The following ZRANB3 variants were observed in gnomAD, a reference collection of about 807,000 sequenced individuals.
The protein encoded by ZRANB3 is DNA annealing helicase and endonuclease ZRANB3.
Under a neutral mutation model 133.8 loss-of-function variants are expected in ZRANB3, and 125 were observed. That is an observed-to-expected ratio of 0.93 (90% CI 0.81 to 1.08). The LOEUF is 1.08. ZRANB3 is among the 50% of genes least tolerant of loss of function. The pLI is 0.00. For synonymous variants in ZRANB3, 387 were observed against 432.7 expected (o/e 0.89, Z 1.31); for missense variants, 1,229 against 1,275.5 (o/e 0.96, Z 0.56).
intron 6 of ZRANB3, among the ~76,000 whole-genome samples, chr2:135,331,680 G>A (rs1276772182): frequency 6.6e-6 from 1 of 152,140 alleles, no homozygotes; most frequent in African/African-American, 2.4e-5. Flanking sequence ...TTGTTTGGGA[G>A]TCTAGGTCTC....
At chr2:135,283,479 G>A (rs1306220734) in intron 8 of ZRANB3, among the ~76,000 whole-genome samples, 6 of 151,548 alleles carry the variant, frequency 4.0e-5, no homozygotes, top group African/African-American at 1.5e-4. Flanking sequence ...GCGTGGTGAT[G>A]CACACCTGTA....
chr2:135,410,229 C>G (rs765538605), intron 2 of ZRANB3, among the ~76,000 whole-genome samples: 1 of 152,072 alleles, frequency 6.6e-6, no homozygotes, highest in Non-Finnish European at 1.5e-5. Context: ...TACCCAACTT[C>G]AAACTATACA....
rs1301965355 is a variant in ZRANB3 at position 135,297,810 on chromosome 2, G to T, written c.966+15679C>A. The stretch of plus-strand genomic sequence containing the variant: ...TTTATTCTACTTGTTCAATTATATT[G>T]TTGTAAGTTTACAGTGTATTATATA... On this transcript the variant is annotated intron_variant, in intron 8 of 20. Coordinates refer to ENST00000264159, the MANE Select transcript of ZRANB3 (RefSeq NM_032143.4). 2.0e-5 allele frequency among the ~76,000 whole-genome samples: 3 copies of T among 152,122 alleles called. No individual in the cohort carries two copies. In the East Asian group the frequency reaches 5.8e-4, roughly 29 times the overall value.
At chr2:135,390,766 T>TC in intron 3 of ZRANB3, 36 bp downstream of exon 3, 1 of 1,546,240 alleles carries the variant, frequency 6.5e-7, no homozygotes, top group East Asian at 2.4e-5. Context: ...AGCTGTGTAA[T>TC]CTTATAAAAG....
At chr2:135,290,179 G>A (rs1272456301) in intron 8 of ZRANB3, among the ~76,000 whole-genome samples, 1 of 152,130 alleles carries the variant, frequency 6.6e-6, no homozygotes, top group East Asian at 1.9e-4. Context: ...GACCTGTCTA[G>A]TGCTGTCAGT....
At chr2:135,492,270 A>T (rs1399571529) in intron 2 of ZRANB3, among the ~76,000 whole-genome samples, 2 of 152,236 alleles carry the variant, frequency 1.3e-5, no homozygotes, top group South Asian at 2.1e-4. Flanking sequence ...CAAACTGAGT[A>T]ACAAAGTGAA....
intron 6 of ZRANB3, among the ~76,000 whole-genome samples, chr2:135,316,220 ATAACT>A (rs1439816826): frequency 3.9e-5 from 6 of 152,244 alleles, no homozygotes; most frequent in Admixed American, 6.5e-5. Context: ...AAAGGAAGCG[ATAACT>A]TAAACTGCTT....
At chr2:135,313,739 C>G in intron 7 of ZRANB3, 134 bp from the exon 8 acceptor site, 6 of 525,490 alleles carry the variant, frequency 1.1e-5, no homozygotes, top group Non-Finnish European at 1.3e-5. Flanking sequence ...CCAAAGATTC[C>G]AACATGTTCA....
At chr2:135,347,024 A>T (rs1007953809) in intron 5 of ZRANB3, among the ~76,000 whole-genome samples, 1 of 152,208 alleles carries the variant, frequency 6.6e-6, no homozygotes, top group Non-Finnish European at 1.5e-5. Flanking sequence ...ATTTCATATA[A>T]ATAGAATTAT....
chr2:135,512,048 A>G, intron 1 of ZRANB3: 2 of 517,618 alleles, frequency 3.9e-6, no homozygotes, highest in Non-Finnish European at 7.1e-6. Flanking sequence ...ATGATGGCAG[A>G]AACCCCTCAT....
intron 2 of ZRANB3, among the ~76,000 whole-genome samples, chr2:135,417,080 C>A (rs1688613090): frequency 6.6e-6 from 1 of 152,134 alleles, no homozygotes; most frequent in Non-Finnish European, 1.5e-5. Flanking sequence ...ACACCAAAAG[C>A]AATGGCAACA....
intron 1 of ZRANB3, chr2:135,511,987 C>A: frequency 1.5e-6 from 1 of 686,422 alleles, no homozygotes; most frequent in South Asian, 1.6e-5. Flanking sequence ...CAAATATGTC[C>A]AAACCTGTGC....
chr2:135,251,453 GAT>G (rs1458179041), intron 12 of ZRANB3, among the ~76,000 whole-genome samples: 3 of 152,114 alleles, frequency 2.0e-5, no homozygotes, highest in Admixed American at 1.3e-4. Flanking sequence ...GGGGCGGAAT[GAT>G]ATAGTTTGGC....
intron 2 of ZRANB3, among the ~76,000 whole-genome samples, chr2:135,486,339 C>T (rs995944634): frequency 2.0e-5 from 3 of 152,198 alleles, no homozygotes; most frequent in Non-Finnish European, 2.9e-5. Context: ...ACAGCATCTT[C>T]ACCAAGAATA....
intron 8 of ZRANB3, among the ~76,000 whole-genome samples, chr2:135,311,751 C>CA (rs1682988515): frequency 6.6e-6 from 1 of 151,400 alleles, no homozygotes; most frequent in African/African-American, 2.4e-5. Flanking sequence ...CTCTGTCTCT[C>CA]AAAAAAAATT....
chr2:135,303,337 T>G (rs1304038472), intron 8 of ZRANB3, among the ~76,000 whole-genome samples: 3 of 152,150 alleles, frequency 2.0e-5, no homozygotes, highest in Non-Finnish European at 4.4e-5. Context: ...TCCTAAGAAT[T>G]TTATAATTTT....
intron 3 of ZRANB3, among the ~76,000 whole-genome samples, chr2:135,382,178 G>A (rs997749653): frequency 5.3e-5 from 8 of 152,162 alleles, no homozygotes; most frequent in East Asian, 1.9e-4. Flanking sequence ...ACCATGGCAC[G>A]AGAACTACGT....
chr2:135,511,029 T>G, intron 1 of ZRANB3: 1 of 779,846 alleles, frequency 1.3e-6, no homozygotes, highest in South Asian at 1.3e-5. Flanking sequence ...TCTTCGTTGT[T>G]CTCACATCCT....
chr2:135,361,767 G>A (rs1482118998), intron 3 of ZRANB3, among the ~76,000 whole-genome samples: 1 of 152,188 alleles, frequency 6.6e-6, no homozygotes, highest in African/African-American at 2.4e-5. Flanking sequence ...AGAAATAGCA[G>A]ACTGAAATAC....
Sources: gnomAD v4.1 joint callset for allele counts (sites outside exome capture counted in the v4.1 genomes callset) on GRCh38, gnomAD v4.1.1 for gene constraint, MANE v1.5 for transcripts, NCBI Gene and HGNC (gene_info 2026-07-23, HGNC 2026-07-21) for gene names.